Variants in ROBO1 observed in about 807,000 individuals in gnomAD.
ROBO1 encodes roundabout homolog 1.
A neutral mutation model predicts 195.9 loss-of-function variants in ROBO1; 149 were observed. The ratio of observed to expected loss-of-function variants is 0.76; its 90% CI spans 0.67 to 0.87. The LOEUF (loss-of-function observed/expected upper bound fraction) is 0.87. ROBO1 is among the 40% of genes least tolerant of loss of function. ROBO1 has a pLI of 0.00. For synonymous variants in ROBO1, 816 were observed against 733.2 expected (o/e 1.11, Z -1.82); for missense variants, 1,933 against 2,068.3 (o/e 0.93, Z 1.27).
At chr3:79,022,618 C>G (rs1389723988) in intron 3 of ROBO1, among the ~76,000 whole-genome samples, 2 of 152,192 alleles carry the variant, frequency 1.3e-5, no homozygotes, top group Non-Finnish European at 2.9e-5. Context: ...GGAACTCTGA[C>G]ATGTACAAGA....
At chr3:79,054,994 G>T (rs551039422) in intron 3 of ROBO1, among the ~76,000 whole-genome samples, 1 of 152,090 alleles carries the variant, frequency 6.6e-6, no homozygotes, top group Non-Finnish European at 1.5e-5. Context: ...TCCACAGTAG[G>T]GGGTAGGGTG....
At chr3:79,090,439 T>C (rs1371141588) in intron 3 of ROBO1, among the ~76,000 whole-genome samples, 5 of 151,766 alleles carry the variant, frequency 3.3e-5, no homozygotes, top group African/African-American at 1.2e-4. Context: ...TTCCCTCCTC[T>C]TCCATTCCCT....
intron 2 of ROBO1, among the ~76,000 whole-genome samples, chr3:79,340,221 T>G (rs2109219995): frequency 6.6e-6 from 1 of 152,308 alleles, no homozygotes; most frequent in Non-Finnish European, 1.5e-5. Flanking sequence ...GATACTGAAC[T>G]GCCTCAATCC....
intron 3 of ROBO1, among the ~76,000 whole-genome samples, chr3:79,016,673 A>G (rs938768868): frequency 6.6e-6 from 1 of 152,158 alleles, no homozygotes; most frequent in African/African-American, 2.4e-5. Context: ...GCCATGATAA[A>G]ATGTTCCAAC....
intron 5 of ROBO1, among the ~76,000 whole-genome samples, chr3:78,740,071 G>T (rs1040540042): frequency 1.3e-5 from 2 of 152,108 alleles, no homozygotes; most frequent in African/African-American, 4.8e-5. Context: ...AAGATTGTTG[G>T]CAGGATTAAA....
At chr3:79,030,459 T>A (rs1429360201) in intron 3 of ROBO1, among the ~76,000 whole-genome samples, 1 of 152,146 alleles carries the variant, frequency 6.6e-6, no homozygotes, top group Non-Finnish European at 1.5e-5. Flanking sequence ...CACTGGGGAA[T>A]GTTTTGGTTT....
chr3:79,379,344 G>A (rs961192644), intron 2 of ROBO1, among the ~76,000 whole-genome samples: 3 of 152,090 alleles, frequency 2.0e-5, no homozygotes, highest in Non-Finnish European at 4.4e-5. Flanking sequence ...GCTTTCTTTA[G>A]CCAGTAGGAT....
chr3:78,923,338 T>A (rs1478468982), intron 4 of ROBO1, among the ~76,000 whole-genome samples: 1 of 152,130 alleles, frequency 6.6e-6, no homozygotes, highest in Non-Finnish European at 1.5e-5. Flanking sequence ...AGCAAAAATA[T>A]CTTATTCACA....
chr3:79,465,744 C>A (rs1937922686), intron 2 of ROBO1, among the ~76,000 whole-genome samples: 1 of 152,026 alleles, frequency 6.6e-6, no homozygotes, highest in Non-Finnish European at 1.5e-5. Flanking sequence ...TCCAGACTCA[C>A]AAGAAAATGT....
chr3:78,946,834 C>T (rs1356969359), intron 3 of ROBO1, among the ~76,000 whole-genome samples: 1 of 151,984 alleles, frequency 6.6e-6, no homozygotes, highest in Non-Finnish European at 1.5e-5. Context: ...AAAGATCTAC[C>T]AAGCAAATGG....
chr3:79,020,457 C>G (rs1432755870), intron 3 of ROBO1, among the ~76,000 whole-genome samples: 1 of 152,092 alleles, frequency 6.6e-6, no homozygotes, highest in Non-Finnish European at 1.5e-5. Context: ...TTTGGGAGGC[C>G]CAAGCGGGCG....
intron 1 of ROBO1, among the ~76,000 whole-genome samples, chr3:79,683,986 T>C (rs1252814023): frequency 6.6e-6 from 1 of 152,118 alleles, no homozygotes. Flanking sequence ...TGTTAGGTCT[T>C]ATGGTAACTT....
intron 2 of ROBO1, among the ~76,000 whole-genome samples, chr3:79,202,013 T>C (rs1469680163): frequency 6.6e-6 from 1 of 151,816 alleles, no homozygotes; most frequent in African/African-American, 2.4e-5. Context: ...GCCTGATAAC[T>C]CTTATTTGCC....
At chr3:79,117,333 G>C (rs999966757) in intron 3 of ROBO1, among the ~76,000 whole-genome samples, 7 of 151,750 alleles carry the variant, frequency 4.6e-5, no homozygotes, top group Non-Finnish European at 1.0e-4. Context: ...TCGCACCACT[G>C]CACTCCAGCC....
intron 4 of ROBO1, among the ~76,000 whole-genome samples, chr3:78,898,805 C>T (rs329820): frequency 0.46 from 69,183 of 151,898 alleles, 18,001 homozygotes; most frequent in African/African-American, 0.73. Context: ...GAAGTCCATA[C>T]ATAAATTTTG....
intron 3 of ROBO1, among the ~76,000 whole-genome samples, chr3:79,069,788 T>G (rs975170959): frequency 6.6e-6 from 1 of 151,880 alleles, no homozygotes; most frequent in Non-Finnish European, 1.5e-5. Context: ...AAAAATCTGA[T>G]AGCAATGGTA....
chr3:79,268,800 G>C (rs545633593), intron 2 of ROBO1, among the ~76,000 whole-genome samples: 2 of 151,750 alleles, frequency 1.3e-5, no homozygotes, highest in South Asian at 4.1e-4. Flanking sequence ...GATTTGGATT[G>C]ACATGGGTTT....
At chr3:79,281,889 G>C (rs2031545033) in intron 2 of ROBO1, among the ~76,000 whole-genome samples, 1 of 152,170 alleles carries the variant, frequency 6.6e-6, no homozygotes, top group Admixed American at 6.5e-5. Flanking sequence ...ATTTCTATGT[G>C]TATGGCACTG....
intron 4 of ROBO1, among the ~76,000 whole-genome samples, chr3:78,911,479 G>T (rs1249989388): frequency 3.3e-5 from 5 of 151,928 alleles, no homozygotes; most frequent in African/African-American, 1.2e-4. Flanking sequence ...GTTACTTTGT[G>T]ACTAGTCCTA....
Sources: gnomAD v4.1 joint callset for allele counts (sites outside exome capture counted in the v4.1 genomes callset) on GRCh38, gnomAD v4.1.1 for gene constraint, MANE v1.5 for transcripts, NCBI Gene and HGNC (gene_info 2026-07-23, HGNC 2026-07-21) for gene names.